VAC14: variants seen among roughly 807,000 people sequenced by gnomAD.
The protein encoded by VAC14 is VAC14 component of PIKFYVE complex.
VAC14 carries 47 observed loss-of-function variants against 85.3 expected under a neutral mutation model. That is an observed-to-expected ratio of 0.55 (90% confidence interval 0.44 to 0.70). The LOEUF (loss-of-function observed/expected upper bound fraction) is 0.70, where lower values mean the gene tolerates loss of function less well. Among genes scored for constraint, VAC14 ranks in the 30% least tolerant of loss-of-function variants. The pLI is 0.00. For synonymous variants in VAC14, 447 were observed against 430.5 expected, an observed-to-expected ratio of 1.04 and a Z score of -0.47; for missense variants, 861 against 1,004.3, an observed-to-expected ratio of 0.86 and a Z score of 1.93.
At chr16:70,799,334 C>A (rs553078824) in intron 1 of VAC14, among the ~76,000 whole-genome samples, 5 of 152,138 alleles carry the variant, frequency 3.3e-5, no homozygotes, top group Non-Finnish European at 5.9e-5. Context: ...AAACAAAAAG[C>A]TATATAAAAG....
At chr16:70,743,285 A>G (rs2030538398) in intron 13 of VAC14, among the ~76,000 whole-genome samples, 2 of 152,238 alleles carry the variant, frequency 1.3e-5, no homozygotes, top group African/African-American at 4.8e-5. Context: ...GTACTCTGTA[A>G]AATGGACTAA....
chr16:70,738,469 C>T (rs576524407), intron 13 of VAC14, among the ~76,000 whole-genome samples: 10 of 152,176 alleles, frequency 6.6e-5, no homozygotes, highest in African/African-American at 1.2e-4. Context: ...TTCCAGCTGA[C>T]GCGGCAGTGG....
intron 1 of VAC14, among the ~76,000 whole-genome samples, chr16:70,794,549 G>C (rs1415047654): frequency 6.6e-6 from 1 of 152,192 alleles, no homozygotes; most frequent in Non-Finnish European, 1.5e-5. Flanking sequence ...GGTAAAACAG[G>C]CTCTGGTTAA....
intron 14 of VAC14, among the ~76,000 whole-genome samples, chr16:70,726,278 A>G (rs1360419478): frequency 2.0e-5 from 3 of 152,222 alleles, no homozygotes; most frequent in Non-Finnish European, 4.4e-5. Context: ...CTCCGGGCAG[A>G]GTTGTTTTAG....
At chr16:70,770,104 T>G (rs981092509) in intron 10 of VAC14, 2 of 152,372 alleles carry the variant, frequency 1.3e-5, no homozygotes, top group African/African-American at 4.8e-5. Flanking sequence ...GAACGAGCTC[T>G]TGACCACCCC....
intron 18 of VAC14, chr16:70,689,213 G>T (rs2053554498): frequency 7.1e-6 from 7 of 982,592 alleles, no homozygotes; most frequent in Non-Finnish European, 8.5e-6. Flanking sequence ...GAGCGGCCCT[G>T]GGGTGGCTGC....
intron 18 of VAC14, chr16:70,688,298 G>C (rs981177971): frequency 8.2e-7 from 1 of 1,215,674 alleles, no homozygotes; most frequent in Non-Finnish European, 1.0e-6. Context: ...GGTGGGAACA[G>C]CTAACACTGC....
At chr16:70,727,475 G>T (rs1351390402) in intron 14 of VAC14, among the ~76,000 whole-genome samples, 1 of 152,194 alleles carries the variant, frequency 6.6e-6, no homozygotes, top group Non-Finnish European at 1.5e-5. Flanking sequence ...GAGTAGCTGG[G>T]ATTATAGGCA....
chr16:70,735,152 TG>T (rs565342109), intron 13 of VAC14, among the ~76,000 whole-genome samples: 2 of 152,018 alleles, frequency 1.3e-5, no homozygotes, highest in Non-Finnish European at 2.9e-5. Context: ...CGCAGCTCTC[TG>T]GAAACCCAGG....
chr16:70,702,863 G>A (rs2053856318), intron 14 of VAC14, among the ~76,000 whole-genome samples: 1 of 152,174 alleles, frequency 6.6e-6, no homozygotes, highest in South Asian at 2.1e-4. Flanking sequence ...CCTGGCACTG[G>A]GCTCTGGGTT....
At chr16:70,760,962 G>GGGTGTGT (rs1402592187) in intron 12 of VAC14, among the ~76,000 whole-genome samples, 1 of 47,602 alleles carries the variant, frequency 2.1e-5, no homozygotes, top group African/African-American at 8.6e-5. Context: ...ACGAAGAGAG[G>GGGTGTGT]GTGTGTGTGT....
intron 12 of VAC14, among the ~76,000 whole-genome samples, chr16:70,756,949 T>C (rs2031917353): frequency 6.6e-6 from 1 of 152,188 alleles, no homozygotes; most frequent in African/African-American, 2.4e-5. Flanking sequence ...ATGAATACTG[T>C]CCTCGGAATC....
At chr16:70,784,281 G>C (rs1158887990) in intron 4 of VAC14, 61 bp from the exon 5 acceptor site, 2 of 1,420,416 alleles carry the variant, frequency 1.4e-6, no homozygotes, top group East Asian at 2.3e-5. Flanking sequence ...TGACCTCGCT[G>C]AATCACTTGC....
chr16:70,796,795 C>A (rs1340630655), intron 1 of VAC14, among the ~76,000 whole-genome samples: 1 of 152,302 alleles, frequency 6.6e-6, no homozygotes, highest in African/African-American at 2.4e-5. Context: ...TGAACAGTCC[C>A]CCAACCCCCA....
intron 14 of VAC14, among the ~76,000 whole-genome samples, chr16:70,730,420 G>T (rs1055285851): frequency 3.3e-5 from 5 of 151,820 alleles, no homozygotes; most frequent in Non-Finnish European, 7.4e-5. Context: ...AGCTCCCCAG[G>T]CTCCTTCTTG....
intron 14 of VAC14, among the ~76,000 whole-genome samples, chr16:70,709,209 A>G (rs763751115): frequency 1.3e-5 from 2 of 152,236 alleles, no homozygotes; most frequent in African/African-American, 2.4e-5. Context: ...GGCACAGATG[A>G]GAGGCCTTGC....
intron 12 of VAC14, among the ~76,000 whole-genome samples, chr16:70,752,788 G>A (rs1418831158): frequency 1.3e-5 from 2 of 152,220 alleles, no homozygotes; most frequent in African/African-American, 4.8e-5. Flanking sequence ...TGTGGGGCAC[G>A]TCCAAGGAGA....
chr16:70,702,299 C>G (rs1358005391), intron 14 of VAC14, among the ~76,000 whole-genome samples: 1 of 152,206 alleles, frequency 6.6e-6, no homozygotes, highest in Admixed American at 6.5e-5. Flanking sequence ...CCAGCTCATC[C>G]CAGGAGACTC....
At chr16:70,787,840 T>TCTC (rs1484686511) in intron 1 of VAC14, among the ~76,000 whole-genome samples, 2 of 152,188 alleles carry the variant, frequency 1.3e-5, no homozygotes, top group African/African-American at 4.8e-5. Context: ...AACTGGGGAA[T>TCTC]CTCCAGTTAG....
Sources: allele counts gnomAD v4.1 joint callset (sites outside exome capture counted in the v4.1 genomes callset), GRCh38; gene constraint gnomAD v4.1.1; transcripts MANE v1.5; gene names NCBI Gene and HGNC (gene_info 2026-07-23, HGNC 2026-07-21).